Variants in ELP5 observed in about 807,000 individuals in gnomAD.
The protein encoded by ELP5 is elongator acetyltransferase complex subunit 5.
ELP5 carries 34 observed loss-of-function variants against 33.4 expected under a neutral mutation model. That is an observed-to-expected ratio of 1.02 (90% CI 0.78 to 1.36). ELP5 has a LOEUF of 1.36. Ranked by LOEUF, ELP5 falls within the 40% of genes most tolerant of loss-of-function variation. The pLI is 0.00. For missense variants in ELP5, 373 were observed against 371.7 expected, an observed-to-expected ratio of 1.00 and a Z score of -0.03; for synonymous variants, 161 against 146.4, an observed-to-expected ratio of 1.10 and a Z score of -0.72.
Position 7,252,471 on chromosome 17 carries a change from CG to C in ELP5, c.-79del. 6.2e-7 allele frequency: 1 copy of C among 1,606,034 alleles called. No individual in the cohort carries two copies. Among genetic ancestry groups the C allele is most frequent in the Non-Finnish European group, 8.5e-7 (1 of 1,174,956 alleles). On this transcript the variant is annotated 5_prime_UTR_variant, in exon 1 of 8. It removes the in-frame stop codon of an upstream open reading frame in the 5' UTR. Coordinates refer to ENST00000396628, the MANE Select transcript of ELP5 (RefSeq NM_203414.3). ...TGGGAGGACGCCCGAGTGCTCGGCC[CG>C]TTTCACCCCGAGGAGGAAGGACACT... is the stretch of plus-strand genomic sequence containing the variant.
intron 4 of ELP5, among the ~76,000 whole-genome samples, chr17:7,255,704 A>G (rs958075609): frequency 6.6e-6 from 1 of 152,098 alleles, no homozygotes; most frequent in Non-Finnish European, 1.5e-5. Context: ...TCCCCTGTAT[A>G]TGGGGGAAGG....
chr17:7,254,991 T>C (rs1212248424), intron 4 of ELP5, 188 bp downstream of exon 4: 14 of 581,810 alleles, frequency 2.4e-5, no homozygotes, highest in Non-Finnish European at 3.6e-5. Flanking sequence ...TGCTTTTTTT[T>C]CTCCAAGTTA....
intron 5 of ELP5, 50 bp downstream of exon 5, chr17:7,257,088 G>T (rs766763164): frequency 2.0e-6 from 3 of 1,483,436 alleles, no homozygotes; most frequent in Non-Finnish European, 2.7e-6. Flanking sequence ...AGAGAAAGGG[G>T]TGGCACGATG....
Position 7,257,038 on chromosome 17 carries a change from G to C in ELP5, c.591G>C (p.Gln197His). 1 of 1,564,844 alleles carries C rather than the reference G, an allele frequency of 6.4e-7. No homozygotes were observed. Among genetic ancestry groups the C allele is most frequent in the Non-Finnish European group, 8.6e-7 (1 of 1,158,978 alleles). ...CRRPRQRPTD[Q>H]TQWFSILPDF... ...GGCCCCGACAGCGCCCAACTGACCAGGTCAGAAGAACCAACAGAGAAGGAC... is the reference window on the plus strand; with the variant it reads ...GGCCCCGACAGCGCCCAACTGACCACGTCAGAAGAACCAACAGAGAAGGAC... Residue 197 changes from glutamine (Q) to histidine (H), a missense_variant and splice_region_variant, in exon 5 of 8, where the codon CAG (glutamine) becomes CAC (histidine). By Grantham distance (24) the Gln-to-His change is conservative. Coordinates refer to ENST00000396628, the MANE Select transcript of ELP5 (RefSeq NM_203414.3).
chr17:7,252,941 G>T lies in ELP5; in HGVS notation c.131G>T (p.Gly44Val), dbSNP rs1303160686. 2 of 1,614,152 alleles carry T rather than the reference G, an allele frequency of 1.2e-6. No individual in the cohort carries two copies. The highest frequency in any genetic ancestry group is 1.7e-6 in the Non-Finnish European group (2 of 1,180,032). Residue 44 changes from glycine (G) to valine (V), a missense_variant, in exon 3 of 8, where the codon GGC becomes GTC. Coordinates refer to ENST00000396628, the MANE Select transcript of ELP5 (RefSeq NM_203414.3). ...ALCGEQVHIL[G>V]CEVSEEEFRE... The stretch of plus-strand genomic sequence containing the variant: ...AGTGGGGAGCAAGTGCATATCCTGG[G>T]CTGTGAAGTGAGCGAGGAAGAGTTT...
chr17:7,254,798 G>C lies in ELP5; in HGVS notation c.404G>C (p.Cys135Ser), dbSNP rs9896695. Residue 135 changes from cysteine to serine, a missense_variant, in exon 4 of 8, where the codon TGT becomes TCT. Cys to Ser is a moderately radical substitution (Grantham distance 112, BLOSUM62 -1). Transcript: ENST00000396628. The part of the protein sequence containing the change: ...VLHAVSHQDS[C>S]PGDSSSVGKV... ...CATGCTGTGAGCCATCAGGACTCTT[G>C]TCCTGGTGAGACCCCTCCTTCATTG... is the stretch of plus-strand genomic sequence containing the variant. 6 of 1,613,794 alleles carry C rather than the reference G, an allele frequency of 3.7e-6. No individual in the cohort carries two copies. The African/African-American group carries it at 8.0e-5, about 22-fold the overall frequency.
At chr17:7,253,979 G>A (rs768233118) in intron 3 of ELP5, among the ~76,000 whole-genome samples, 1 of 147,698 alleles carries the variant, frequency 6.8e-6, no homozygotes, top group African/African-American at 2.5e-5. Flanking sequence ...CCTGGGCAAC[G>A]AGCGAAACTC....
intron 3 of ELP5, among the ~76,000 whole-genome samples, 178 bp downstream of exon 3, chr17:7,253,176 A>G (rs989781418): frequency 6.6e-6 from 1 of 152,304 alleles, no homozygotes; most frequent in Admixed American, 6.5e-5. Flanking sequence ...GTATTTGGGG[A>G]GTCCAAAGCA....
At chr17:7,257,702 G>A (rs2143001304) in intron 5 of ELP5, among the ~76,000 whole-genome samples, 1 of 152,258 alleles carries the variant, frequency 6.6e-6, no homozygotes, top group South Asian at 2.1e-4. Context: ...CTCCCAAAGT[G>A]CTGGGATTAC....
chr17:7,254,220 CCA>C (rs1418090157), intron 3 of ELP5, among the ~76,000 whole-genome samples: 1 of 152,174 alleles, frequency 6.6e-6, no homozygotes, highest in Admixed American at 6.6e-5. Flanking sequence ...TCTTTAGGTG[CCA>C]CACACAGGAA....
intron 4 of ELP5, among the ~76,000 whole-genome samples, chr17:7,256,248 CTG>C (rs1272401997): frequency 6.6e-6 from 1 of 152,160 alleles, no homozygotes; most frequent in African/African-American, 2.4e-5. Flanking sequence ...ACTCAGGAGA[CTG>C]AGGCAGTATT....
At chr17:7,254,991 T>A (rs1212248424) in intron 4 of ELP5, 188 bp downstream of exon 4, 3 of 581,810 alleles carry the variant, frequency 5.2e-6, no homozygotes, top group Non-Finnish European at 9.1e-6. Flanking sequence ...TGCTTTTTTT[T>A]CTCCAAGTTA....
chr17:7,259,034 A>T (rs2072149833), intron 7 of ELP5, 108 bp downstream of exon 7: 1 of 1,526,782 alleles, frequency 6.5e-7, no homozygotes. Context: ...TAGGGACTGA[A>T]GTCCACCTCC....
chr17:7,253,302 CAACT>C (rs1330906490), intron 3 of ELP5, among the ~76,000 whole-genome samples: 1 of 152,130 alleles, frequency 6.6e-6, no homozygotes, highest in Non-Finnish European at 1.5e-5. Flanking sequence ...TACCGAGCAC[CAACT>C]ATCAACCAGG....
At position 7,252,813 on chromosome 17, in the gene ELP5, C is replaced by T. The variant is rs1367665459; in HGVS notation, c.90C>T (p.Val30=). 16 of 1,614,224 alleles carry T rather than the reference C, an allele frequency of 9.9e-6. No individual in the cohort carries two copies. Among genetic ancestry groups the T allele is most frequent in the Non-Finnish European group, 1.4e-5 (16 of 1,180,042 alleles). The change falls in exon 2 of 8, where the codon GTC becomes GTT. Residue 30 remains valine, a synonymous_variant. Transcript: ENST00000396628. ...WEGRSLLKAL[V]KKSALCGEQV... is the part of the protein sequence containing the mutation. ...GGCGCAGTCTCTTGAAGGCGCTTGT[C>T]AAGAAATCTGCACTGTGGTGAGTAT...
rs1446647201 is a variant in ELP5, at chr17:7,257,610, AG to A, written c.591+573del. Reference sequence around the variant, plus strand: ...TAGCACCACATCCAGCCAGCTTTTTAGTTTTTTATACAGATGAGATCTCACC... The same window carrying A: ...TAGCACCACATCCAGCCAGCTTTTTATTTTTTATACAGATGAGATCTCACC... On this transcript the variant is annotated intron_variant, in intron 5 of 7. Transcript: ENST00000396628. 2.6e-5 allele frequency among the ~76,000 whole-genome samples: 4 copies of A among 151,478 alleles called. No homozygotes were observed. The South Asian group carries it at 6.3e-4, about 24-fold the overall frequency.
chr17:7,256,217 C>T (rs1375098928), intron 4 of ELP5, among the ~76,000 whole-genome samples: 5 of 151,888 alleles, frequency 3.3e-5, no homozygotes, highest in African/African-American at 1.2e-4. Flanking sequence ...GGCGTGGTGG[C>T]ACGCGCCTGT....
At chr17:7,252,026 G>C (rs1420048356), upstream of ELP5, 1 of 198,022 alleles carries the variant, frequency 5.0e-6, no homozygotes, top group African/African-American at 2.4e-5. Flanking sequence ...ACTACTTCCG[G>C]TGGTGACGTG....
Position 7,257,024 on chromosome 17 carries a change from C to A in ELP5, c.577C>A (p.Arg193Ser). 6.3e-7 allele frequency: 1 copy of A among 1,592,372 alleles called. No homozygotes were observed. Among genetic ancestry groups the A allele is most frequent in the South Asian group, 1.1e-5 (1 of 89,162 alleles). Residue 193 changes from arginine to serine, a missense_variant, in exon 5 of 8, where the codon CGC becomes AGC. By Grantham distance (110) the Arg-to-Ser change is moderately radical. Coordinates refer to ENST00000396628, the MANE Select transcript of ELP5 (RefSeq NM_203414.3). ...AHILCRRPRQ[R>S]PTDQTQWFSI... ...CATCCTGTGTCGGAGGCCCCGACAG[C>A]GCCCAACTGACCAGGTCAGAAGAAC...
Sources: allele counts gnomAD v4.1 joint callset (sites outside exome capture counted in the v4.1 genomes callset), GRCh38; gene constraint gnomAD v4.1.1; transcripts MANE v1.5; gene names NCBI Gene and HGNC (gene_info 2026-07-23, HGNC 2026-07-21).